Variants in TENM2 observed in about 807,000 individuals in gnomAD.
TENM2 encodes teneurin-2.
In TENM2, 52 loss-of-function variants were observed where a neutral mutation model predicts 245.2. The observed-to-expected ratio is 0.21, with a 90% CI of 0.17 to 0.27. TENM2 has a LOEUF of 0.27. Among genes scored for constraint, TENM2 ranks in the 10% least tolerant of loss-of-function variants. The pLI is 1.00. For missense variants in TENM2, 3,046 were observed against 3,666.8 expected (o/e 0.83, Z 4.37); for synonymous variants, 1,363 against 1,438.9 (o/e 0.95, Z 1.19).
chr5:167,871,503 T>C (rs1024924516), intron 2 of TENM2, among the ~76,000 whole-genome samples: 1 of 152,194 alleles, frequency 6.6e-6, no homozygotes, highest in East Asian at 1.9e-4. Context: ...TTAGTCCCCA[T>C]ATTTAAGGTC....
At chr5:167,804,206 C>T (rs1396231160) in intron 2 of TENM2, among the ~76,000 whole-genome samples, 1 of 151,958 alleles carries the variant, frequency 6.6e-6, no homozygotes, top group African/African-American at 2.4e-5. Context: ...GCATGTTTTA[C>T]AGTCTCTTAG....
intron 13 of TENM2, among the ~76,000 whole-genome samples, chr5:168,167,041 G>A (rs1002871079): frequency 2.0e-5 from 3 of 152,166 alleles, no homozygotes; most frequent in Non-Finnish European, 4.4e-5. Context: ...GGTTCAGACA[G>A]ACACGGCAGC....
intron 25 of TENM2, chr5:168,230,840 G>A (rs1376487747): frequency 6.6e-6 from 1 of 152,246 alleles, no homozygotes; most frequent in East Asian, 1.9e-4. Context: ...GTAGTGTGAT[G>A]TAAGCTATAA....
At chr5:167,570,403 C>T (rs1294030086) in intron 2 of TENM2, among the ~76,000 whole-genome samples, 1 of 70,540 alleles carries the variant, frequency 1.4e-5, no homozygotes, top group Non-Finnish European at 3.3e-5. Flanking sequence ...AAAAAAAAAA[C>T]CTCTTAAAAC....
chr5:167,566,903 C>T (rs536477144), intron 2 of TENM2, among the ~76,000 whole-genome samples: 3 of 152,286 alleles, frequency 2.0e-5, no homozygotes, highest in African/African-American at 7.2e-5. Context: ...GTTCCAATTA[C>T]TATGCAAAAC....
At chr5:167,153,080 T>C in the TENM2 span, among the ~76,000 whole-genome samples, 30 of 149,618 alleles carry the variant, frequency 2.0e-4, no homozygotes, top group Middle Eastern at 3.4e-3. Context: ...GAACTGGCCA[T>C]CACAATCAAT....
At chr5:167,011,888 G>GA in the TENM2 span, among the ~76,000 whole-genome samples, 3 of 152,128 alleles carry the variant, frequency 2.0e-5, no homozygotes, top group African/African-American at 7.2e-5. Context: ...CAAGGTTATT[G>GA]ACTTGTAAAA....
the TENM2 span, among the ~76,000 whole-genome samples, chr5:167,188,481 A>G: frequency 6.6e-6 from 1 of 152,188 alleles, no homozygotes; most frequent in Admixed American, 6.5e-5. Flanking sequence ...AGTAAATCTT[A>G]ATGACTGCTA....
intron 1 of TENM2, among the ~76,000 whole-genome samples, chr5:167,312,467 C>G (rs1756094073): frequency 1.3e-5 from 2 of 151,576 alleles, no homozygotes; most frequent in African/African-American, 4.8e-5. Flanking sequence ...ATTCCCAGAA[C>G]AAAAAAAATG....
chr5:167,592,126 T>A (rs966475642), intron 2 of TENM2, among the ~76,000 whole-genome samples: 1 of 152,156 alleles, frequency 6.6e-6, no homozygotes, highest in Admixed American at 6.5e-5. Context: ...TGTCACACAG[T>A]TGGATGGAAC....
intron 1 of TENM2, among the ~76,000 whole-genome samples, chr5:167,359,334 G>T (rs1670968375): frequency 1.3e-5 from 2 of 152,072 alleles, no homozygotes; most frequent in Admixed American, 6.6e-5. Context: ...CCTAGAATGT[G>T]CCAGGCATGC....
At chr5:167,965,589 A>T (rs1005411235) in intron 4 of TENM2, 13 of 130,622 alleles carry the variant, frequency 1.0e-4, no homozygotes, top group African/African-American at 3.8e-4. Context: ...CTTAAAAAAA[A>T]AGAAAAAAAA....
At chr5:168,204,659 G>A (rs1762211415) in intron 19 of TENM2, 38 bp downstream of exon 21, 2 of 1,604,656 alleles carry the variant, frequency 1.2e-6, no homozygotes, top group South Asian at 1.1e-5. Context: ...TTGCTCTCTT[G>A]CCCCCCATAA....
At chr5:167,040,539 A>C in the TENM2 span, among the ~76,000 whole-genome samples, 4 of 152,054 alleles carry the variant, frequency 2.6e-5, no homozygotes, top group African/African-American at 9.7e-5. Flanking sequence ...ACAAACTTGC[A>C]GATACCTAAG....
chr5:167,998,611 A>T (rs1044776793), intron 5 of TENM2, among the ~76,000 whole-genome samples: 1 of 152,192 alleles, frequency 6.6e-6, no homozygotes, highest in African/African-American at 2.4e-5. Context: ...AAGGCAGGAG[A>T]GAGAAAGATA....
chr5:167,670,972 T>A (rs1459076), intron 2 of TENM2, among the ~76,000 whole-genome samples: 1 of 151,970 alleles, frequency 6.6e-6, no homozygotes, highest in East Asian at 1.9e-4. Context: ...AAGTCCCCTG[T>A]CACCAAATTA....
At chr5:167,178,399 G>A in the TENM2 span, among the ~76,000 whole-genome samples, 1 of 152,196 alleles carries the variant, frequency 6.6e-6, no homozygotes, top group Non-Finnish European at 1.5e-5. Flanking sequence ...AGCGGCTCCA[G>A]AACAAGGTGA....
At chr5:167,347,199 T>C (rs1372352124) in intron 1 of TENM2, among the ~76,000 whole-genome samples, 3 of 152,034 alleles carry the variant, frequency 2.0e-5, no homozygotes, top group Admixed American at 1.3e-4. Flanking sequence ...ATAGTACGCA[T>C]GCCTGCTCCT....
chr5:167,997,637 T>A (rs532537752), intron 5 of TENM2, among the ~76,000 whole-genome samples: 2 of 152,316 alleles, frequency 1.3e-5, no homozygotes, highest in South Asian at 4.1e-4. Flanking sequence ...TGTGCACCCA[T>A]AAAATTTTAA....
Sources: gnomAD v4.1 joint callset for allele counts (sites outside exome capture counted in the v4.1 genomes callset) on GRCh38, gnomAD v4.1.1 for gene constraint, MANE v1.5 for transcripts, NCBI Gene and HGNC (gene_info 2026-07-23, HGNC 2026-07-21) for gene names.